PPP2R3A: variants seen among roughly 807,000 people sequenced by gnomAD.
PPP2R3A encodes serine/threonine-protein phosphatase 2A regulatory subunit B'' subunit alpha.
In PPP2R3A, 80 loss-of-function variants were observed where a neutral mutation model predicts 106.9. The observed-to-expected ratio is 0.75, with a 90% CI of 0.62 to 0.90. The LOEUF (loss-of-function observed/expected upper bound fraction) is 0.90, where lower values mean the gene tolerates loss of function less well. Ranked by LOEUF, PPP2R3A falls within the 40% of genes least tolerant of loss-of-function variation. The pLI, the probability that PPP2R3A is intolerant of heterozygous loss-of-function variation, is 0.00. For synonymous variants in PPP2R3A, 483 were observed against 468.3 expected (o/e 1.03, Z -0.41); for missense variants, 1,386 against 1,350.4 (o/e 1.03, Z -0.41).
chr3:136,008,884 G>A (rs568015478), intron 2 of PPP2R3A, among the ~76,000 whole-genome samples: 216 of 152,100 alleles, frequency 1.4e-3, no homozygotes, highest in African/African-American at 4.8e-3. Context: ...TCTGACTTAA[G>A]GTCATCAGGA....
intron 1 of PPP2R3A, among the ~76,000 whole-genome samples, chr3:135,969,210 AGTGT>A (rs1217250586): frequency 6.6e-6 from 1 of 152,216 alleles, no homozygotes; most frequent in Non-Finnish European, 1.5e-5. Context: ...AACAAGATTG[AGTGT>A]GGGAGACAGC....
At chr3:136,100,707 C>T (rs1338053447) in intron 10 of PPP2R3A, among the ~76,000 whole-genome samples, 1 of 151,422 alleles carries the variant, frequency 6.6e-6, no homozygotes, top group South Asian at 2.1e-4. Flanking sequence ...AGCTAGGCAT[C>T]GTGGCATGCA....
chr3:136,036,521 C>T (rs1377387163), intron 3 of PPP2R3A, among the ~76,000 whole-genome samples: 1 of 152,160 alleles, frequency 6.6e-6, no homozygotes, highest in Non-Finnish European at 1.5e-5. Context: ...AGTCCAGGCT[C>T]TGGACTGCTA....
At chr3:136,035,226 G>A (rs1935045801) in intron 3 of PPP2R3A, among the ~76,000 whole-genome samples, 1 of 152,142 alleles carries the variant, frequency 6.6e-6, no homozygotes, top group African/African-American at 2.4e-5. Context: ...CATTAGTAGT[G>A]AGATATGAGG....
rs568768672 is a variant in PPP2R3A, at chr3:135,988,267, A to C, written c.-440-12792A>C. ...GTTCAAGGATTAAAAAAAAAAAAAAACAGTTTTTTTAAACTCTTAGATTTA... is the reference window on the plus strand; with the variant it reads ...GTTCAAGGATTAAAAAAAAAAAAAACCAGTTTTTTTAAACTCTTAGATTTA... On this transcript the variant is annotated intron_variant, in intron 1 of 13. Transcript: ENST00000264977. 6.6e-5 allele frequency among the ~76,000 whole-genome samples: 10 copies of C among 151,528 alleles called. No homozygotes were observed. The East Asian group carries it at 1.7e-3, about 26-fold the overall frequency.
At chr3:136,125,328 A>C (rs1288191287) in intron 13 of PPP2R3A, among the ~76,000 whole-genome samples, 1 of 152,210 alleles carries the variant, frequency 6.6e-6, no homozygotes, top group African/African-American at 2.4e-5. Flanking sequence ...CTCAAAAAAT[A>C]AAAAATTTAA....
At chr3:136,011,123 C>T (rs1474831705) in intron 2 of PPP2R3A, among the ~76,000 whole-genome samples, 1 of 152,166 alleles carries the variant, frequency 6.6e-6, no homozygotes, top group Non-Finnish European at 1.5e-5. Flanking sequence ...TCCATCACCA[C>T]ATCCGTCTTT....
intron 11 of PPP2R3A, among the ~76,000 whole-genome samples, chr3:136,102,788 G>A (rs1559921208): frequency 6.6e-6 from 1 of 152,132 alleles, no homozygotes; most frequent in Non-Finnish European, 1.5e-5. Flanking sequence ...AGTAGCCACT[G>A]CACTCCAGCC....
rs552879077 is a variant in PPP2R3A at position 136,002,081 on chromosome 3, A to G, written c.583A>G (p.Thr195Ala). ...KPLSHRNSLD[T>A]NLTSMFLQNF... is the part of the protein sequence containing the mutation. ...TTTGTCTCATAGAAACTCACTGGAT[A>G]CGAACCTGACTTCCATGTTTCTTCA... The change falls in exon 2 of 14, where the codon ACG becomes GCG. Residue 195 changes from threonine to alanine, a missense_variant. Coordinates refer to ENST00000264977, the MANE Select transcript of PPP2R3A (RefSeq NM_002718.5). 5.6e-6 allele frequency: 9 copies of G among 1,614,132 alleles called. No homozygotes were observed. In the East Asian group the frequency reaches 1.8e-4, roughly 32 times the overall value.
chr3:136,011,231 C>T (rs1436321410), intron 2 of PPP2R3A, among the ~76,000 whole-genome samples: 2 of 151,508 alleles, frequency 1.3e-5, no homozygotes, highest in Admixed American at 6.6e-5. Context: ...TTTTTTTTTC[C>T]CCTAACACTT....
intron 1 of PPP2R3A, among the ~76,000 whole-genome samples, chr3:135,967,436 T>C (rs1311097324): frequency 6.6e-6 from 1 of 152,212 alleles, no homozygotes; most frequent in Non-Finnish European, 1.5e-5. Context: ...GTGAAGGGCC[T>C]ATCTGACTTT....
chr3:136,016,857 A>G (rs1934287145), intron 2 of PPP2R3A, among the ~76,000 whole-genome samples: 1 of 152,068 alleles, frequency 6.6e-6, no homozygotes, highest in Non-Finnish European at 1.5e-5. Flanking sequence ...TCATCATATT[A>G]GTTGTTGCCT....
chr3:135,996,065 A>G (rs1040779711), intron 1 of PPP2R3A, among the ~76,000 whole-genome samples: 19 of 152,212 alleles, frequency 1.2e-4, no homozygotes, highest in Admixed American at 5.2e-4. Flanking sequence ...AGTGCGTTCA[A>G]TAAATGACAA....
chr3:135,989,078 T>C (rs538895648), intron 1 of PPP2R3A, among the ~76,000 whole-genome samples: 77 of 152,242 alleles, frequency 5.1e-4, no homozygotes, highest in Non-Finnish European at 8.7e-4. Context: ...TTTTTAGCTG[T>C]GGAAATGCTT....
intron 5 of PPP2R3A, among the ~76,000 whole-genome samples, chr3:136,060,606 C>A (rs56954147): frequency 1.4e-3 from 217 of 152,250 alleles, no homozygotes; most frequent in African/African-American, 5.0e-3. Context: ...CTTCGCCTTT[C>A]GCCATGATTG....
chr3:136,136,073 A>AATT (rs772996996), intron 13 of PPP2R3A, among the ~76,000 whole-genome samples: 1 of 17,794 alleles, frequency 5.6e-5, no homozygotes, highest in African/African-American at 9.3e-5. Flanking sequence ...AAAAAAAAAA[A>AATT]TTATATATAT....
intron 1 of PPP2R3A, among the ~76,000 whole-genome samples, chr3:135,981,531 G>A (rs1364760463): frequency 6.6e-6 from 1 of 151,702 alleles, no homozygotes; most frequent in Non-Finnish European, 1.5e-5. Context: ...AACAGAAGTG[G>A]TGGTATATTA....
At chr3:135,989,545 A>T (rs1576414874) in intron 1 of PPP2R3A, among the ~76,000 whole-genome samples, 1 of 152,208 alleles carries the variant, frequency 6.6e-6, no homozygotes, top group South Asian at 2.1e-4. Flanking sequence ...TCCACAAAGA[A>T]TTCCAGATTC....
At chr3:136,025,373 G>T (rs1934610196) in intron 2 of PPP2R3A, among the ~76,000 whole-genome samples, 1 of 151,828 alleles carries the variant, frequency 6.6e-6, no homozygotes, top group South Asian at 2.1e-4. Flanking sequence ...GCTTTATATG[G>T]GTGACATCCT....
Sources: gnomAD v4.1 joint callset for allele counts (sites outside exome capture counted in the v4.1 genomes callset) on GRCh38, gnomAD v4.1.1 for gene constraint, MANE v1.5 for transcripts, NCBI Gene and HGNC (gene_info 2026-07-23, HGNC 2026-07-21) for gene names.